The following TANC1 variants were observed in gnomAD, a reference collection of about 807,000 sequenced individuals.
TANC1 encodes the protein protein TANC1.
A neutral mutation model predicts 149.7 loss-of-function variants in TANC1; 77 were observed. The observed-to-expected ratio is 0.51, with a 90% CI of 0.43 to 0.62. The LOEUF is 0.62. TANC1 is among the 20% of genes least tolerant of loss of function. The pLI is 0.00. For missense variants in TANC1, 1,985 were observed against 2,321.8 expected, an observed-to-expected ratio of 0.85 and a Z score of 2.98; for synonymous variants, 854 against 925.0, an observed-to-expected ratio of 0.92 and a Z score of 1.39.
chr2:159,148,688 T>C (rs1329144317), intron 5 of TANC1: 1 of 152,596 alleles, frequency 6.6e-6, no homozygotes, highest in Non-Finnish European at 1.5e-5. Flanking sequence ...GCTTGTTTAA[T>C]GAGAGCTTGG....
chr2:159,133,057 A>G (rs1451147351), intron 4 of TANC1, among the ~76,000 whole-genome samples: 1 of 152,184 alleles, frequency 6.6e-6, no homozygotes, highest in Non-Finnish European at 1.5e-5. Context: ...ATAGTTTTGA[A>G]GACTCTCTTG....
At position 159,076,873 on chromosome 2, in the gene TANC1, C is replaced by T. The variant is rs183150028; in HGVS notation, c.61+10902C>T. ...GCTGTCTTCCTTTATTATCTCACAC[C>T]GAGTAAACATAAAGGAAAACATATC... On this transcript the variant is annotated intron_variant, in intron 3 of 26. Transcript: ENST00000263635. Among the ~76,000 whole-genome samples, 467 of 152,134 alleles carry T rather than the reference C, an allele frequency of 3.1e-3. 4 individuals carry two copies. The highest frequency in any genetic ancestry group is 0.011 in the African/African-American group (444 of 41,502).
At chr2:159,143,062 C>CA (rs70994269) in intron 5 of TANC1, among the ~76,000 whole-genome samples, 24,973 of 86,614 alleles carry the variant, frequency 0.29, 3,209 homozygotes, top group Non-Finnish European at 0.36. Flanking sequence ...GACTCTGTCT[C>CA]AAAAAAAAAA....
chr2:159,069,368 G>C (rs1411456022), intron 3 of TANC1, among the ~76,000 whole-genome samples: 1 of 152,086 alleles, frequency 6.6e-6, no homozygotes, highest in Non-Finnish European at 1.5e-5. Context: ...GGCCAGATGA[G>C]GGCATCTTAT....
intron 14 of TANC1, among the ~76,000 whole-genome samples, chr2:159,184,342 G>A (rs746288887): frequency 3.9e-5 from 6 of 152,214 alleles, no homozygotes; most frequent in Non-Finnish European, 8.8e-5. Context: ...TATGGGCAGG[G>A]TATGCAGGAG....
rs528855536 is a variant in TANC1 at position 159,229,992 on chromosome 2, G to A, written c.4566G>A (p.Gly1522=). 6.8e-6 allele frequency: 11 copies of A among 1,614,056 alleles called. No individual in the cohort carries two copies. The highest frequency in any genetic ancestry group is 6.6e-5 in the South Asian group (6 of 91,090). The stretch of plus-strand genomic sequence containing the variant: ...TGAGAGAGCCTGTGGCCCAGCCAGG[G>A]CTGCTCCTGCAGCCCTCCAAGCAGG... ...KSLREPVAQP[G]LLLQPSKQAQ... Residue 1522 remains glycine, a synonymous_variant, in exon 27 of 27, where the codon GGG becomes GGA. Transcript: ENST00000263635.
At chr2:158,992,482 G>A (rs2035733569) in intron 1 of TANC1, among the ~76,000 whole-genome samples, 1 of 151,588 alleles carries the variant, frequency 6.6e-6, no homozygotes. Flanking sequence ...AGGTATACAT[G>A]TACTTATAGG....
intron 3 of TANC1, among the ~76,000 whole-genome samples, chr2:159,072,716 T>C (rs1013801330): frequency 6.6e-6 from 1 of 152,086 alleles, no homozygotes; most frequent in Non-Finnish European, 1.5e-5. Context: ...TGGATACATA[T>C]GTAACTAACC....
At chr2:159,121,464 G>T (rs2048842263) in intron 4 of TANC1, among the ~76,000 whole-genome samples, 1 of 152,156 alleles carries the variant, frequency 6.6e-6, no homozygotes, top group African/African-American at 2.4e-5. Flanking sequence ...CTCCTGAGTA[G>T]CTGGGGTTAC....
chr2:159,098,313 T>A (rs264634), intron 4 of TANC1, among the ~76,000 whole-genome samples: 11,765 of 152,238 alleles, frequency 0.077, 619 homozygotes, highest in East Asian at 0.16. Flanking sequence ...CTGTACAGGT[T>A]TGTAGCCTAG....
At chr2:159,049,823 A>G (rs960240471) in intron 2 of TANC1, among the ~76,000 whole-genome samples, 2 of 152,130 alleles carry the variant, frequency 1.3e-5, no homozygotes, top group African/African-American at 4.8e-5. Flanking sequence ...AAGTGGGGAG[A>G]GGAAGATGGG....
intron 2 of TANC1, among the ~76,000 whole-genome samples, chr2:159,011,933 AGAAGGAGGAGG>A (rs2037813958): frequency 6.6e-6 from 1 of 152,084 alleles, no homozygotes. Context: ...GTCCCCAAGA[AGAAGGAGGAGG>A]GAAGGGCTGG....
chr2:158,989,640 G>A (rs1021932811), intron 1 of TANC1, among the ~76,000 whole-genome samples: 2 of 145,474 alleles, frequency 1.4e-5, no homozygotes, highest in Admixed American at 6.8e-5. Flanking sequence ...AATCTTTTTT[G>A]TTTTCGGCCA....
chr2:159,041,577 G>A (rs1057021878), intron 2 of TANC1, among the ~76,000 whole-genome samples: 3 of 152,200 alleles, frequency 2.0e-5, no homozygotes, highest in African/African-American at 2.4e-5. Flanking sequence ...CTGTGGGAGC[G>A]GGACCCGCTG....
chr2:159,102,829 C>A (rs2046871505), intron 4 of TANC1, among the ~76,000 whole-genome samples: 1 of 91,274 alleles, frequency 1.1e-5, no homozygotes, highest in South Asian at 3.9e-4. Flanking sequence ...CGCCATTCTC[C>A]TGCTTCAGCC....
chr2:159,093,480 A>G (rs907524884), intron 3 of TANC1, among the ~76,000 whole-genome samples: 8 of 152,132 alleles, frequency 5.3e-5, no homozygotes, highest in African/African-American at 1.2e-4. Flanking sequence ...CCGTGGCATC[A>G]TCGTGATGCT....
At chr2:159,219,637 T>C (rs1344526391) in intron 21 of TANC1, 55 bp from the exon 22 acceptor site, 2 of 1,608,166 alleles carry the variant, frequency 1.2e-6, no homozygotes, top group Non-Finnish European at 1.7e-6. Context: ...ACAATTTGCT[T>C]TCTGGCTTTG....
At chr2:159,106,349 C>G (rs1379042665) in intron 4 of TANC1, among the ~76,000 whole-genome samples, 1 of 152,166 alleles carries the variant, frequency 6.6e-6, no homozygotes, top group African/African-American at 2.4e-5. Context: ...CCCCTGGTAA[C>G]CACGAGTCTA....
At chr2:159,134,419 C>T (rs1269329049) in intron 4 of TANC1, among the ~76,000 whole-genome samples, 1 of 151,492 alleles carries the variant, frequency 6.6e-6, no homozygotes, top group Non-Finnish European at 1.5e-5. Context: ...ATCCTCCCAC[C>T]TCAGCCTCCT....
Sources: allele counts gnomAD v4.1 joint callset (sites outside exome capture counted in the v4.1 genomes callset), GRCh38; gene constraint gnomAD v4.1.1; transcripts MANE v1.5; gene names NCBI Gene and HGNC (gene_info 2026-07-23, HGNC 2026-07-21).